The following RAB3B variants were observed in gnomAD, a reference collection of about 807,000 sequenced individuals.
The protein encoded by RAB3B is ras-related protein Rab-3B.
A neutral mutation model predicts 20.5 loss-of-function variants in RAB3B; 11 were observed. That is an observed-to-expected ratio of 0.54 (90% CI 0.34 to 0.89). RAB3B has a LOEUF of 0.89. RAB3B is among the 40% of genes least tolerant of loss of function. The probability of loss-of-function intolerance (pLI) is 0.02; values close to 1 mark genes in which losing one functional copy is unlikely to be tolerated. For missense variants in RAB3B, 225 were observed against 280.9 expected (o/e 0.80, Z 1.42); for synonymous variants, 99 against 106.3 (o/e 0.93, Z 0.42).
chr1:51,950,506 G>C (rs973597748), intron 2 of RAB3B, among the ~76,000 whole-genome samples: 5 of 152,190 alleles, frequency 3.3e-5, no homozygotes, highest in Admixed American at 6.5e-5. Flanking sequence ...TGCTGAAAAG[G>C]GAAAGCTCAT....
At chr1:51,962,012 T>C (rs1684790624) in intron 2 of RAB3B, among the ~76,000 whole-genome samples, 3 of 152,170 alleles carry the variant, frequency 2.0e-5, no homozygotes, top group South Asian at 2.1e-4. Context: ...CCTCAAATGA[T>C]CCACTTGCCT....
chr1:51,976,502 CT>C (rs1685010783), intron 2 of RAB3B, among the ~76,000 whole-genome samples: 1 of 152,138 alleles, frequency 6.6e-6, no homozygotes, highest in Non-Finnish European at 1.5e-5. Context: ...ACCCAACAGC[CT>C]TATGATGTAG....
intron 2 of RAB3B, among the ~76,000 whole-genome samples, chr1:51,949,949 G>A (rs953099095): frequency 6.6e-6 from 1 of 152,202 alleles, no homozygotes; most frequent in African/African-American, 2.4e-5. Context: ...AGGGTGATGA[G>A]GGTGGAGAAT....
At chr1:51,940,752 T>C (rs1361494085) in intron 2 of RAB3B, among the ~76,000 whole-genome samples, 1 of 152,128 alleles carries the variant, frequency 6.6e-6, no homozygotes, top group Admixed American at 6.5e-5. Context: ...GAACAAGCAA[T>C]CCCAAATGTC....
At chr1:51,937,143 G>T in intron 3 of RAB3B, 151 bp downstream of exon 3, 1 of 546,198 alleles carries the variant, frequency 1.8e-6, no homozygotes, top group Non-Finnish European at 3.2e-6. Context: ...TCCTGCTTAT[G>T]GATCTGTCTT....
In RAB3B at chr1:51,917,425, G is replaced by A. The variant is rs1451969388; in HGVS notation, c.*2502C>T. 1 of 152,072 alleles carries A rather than the reference G, an allele frequency of 6.6e-6. No homozygotes were observed. The highest frequency in any genetic ancestry group is 1.5e-5 in the Non-Finnish European group (1 of 68,014). 9.4% of individuals were successfully genotyped at this position (152,072 alleles called of 1,614,324 possible). A position where few individuals can be genotyped will look rare whatever the true frequency, so the allele number is the denominator to read the frequency against. On this transcript the variant is annotated 3_prime_UTR_variant, in exon 5 of 5. Coordinates refer to ENST00000371655, the MANE Select transcript of RAB3B (RefSeq NM_002867.4). The stretch of plus-strand genomic sequence containing the variant: ...AAGACTCAAAAGTGGAAAGTAACTG[G>A]CCCAGAGTCACAGTTGATTTAATGA...
At chr1:51,921,972 T>C (rs573869574) in intron 4 of RAB3B, among the ~76,000 whole-genome samples, 1 of 152,262 alleles carries the variant, frequency 6.6e-6, no homozygotes, top group South Asian at 2.1e-4. Context: ...GGAAGGCACA[T>C]GCCATTCCTG....
rs1224677020 is a variant in RAB3B at position 51,909,590 on chromosome 1, A to T, written c.*10337T>A. 2 of 152,048 alleles carry T rather than the reference A, an allele frequency of 1.3e-5. No homozygotes were observed. The highest frequency in any genetic ancestry group is 4.8e-5 in the African/African-American group (2 of 41,384). The allele number at this position is 152,048 out of a possible 1,614,324, so 9.4% of individuals were successfully genotyped here. ...ACTCCTGGAGGCTGATTTCTGGGGGAAGGAGGAAGTGCATGAGGTACCTTT... is the reference window on the plus strand; with the variant it reads ...ACTCCTGGAGGCTGATTTCTGGGGGTAGGAGGAAGTGCATGAGGTACCTTT... On this transcript the variant is annotated 3_prime_UTR_variant, in exon 5 of 5. Transcript: ENST00000371655.
At chr1:51,920,428 T>C (rs1450015820) in intron 4 of RAB3B, among the ~76,000 whole-genome samples, 3 of 152,210 alleles carry the variant, frequency 2.0e-5, no homozygotes, top group Non-Finnish European at 4.4e-5. Context: ...CTTCATAGAA[T>C]TATTTCAAGG....
In RAB3B at chr1:51,912,554, AATAT is replaced by A. The variant is rs1171897939; in HGVS notation, c.*7369_*7372del. 1.3e-4 allele frequency: 2 copies of A among 15,500 alleles called. No homozygotes were observed. Among genetic ancestry groups the A allele is most frequent in the African/African-American group, 3.5e-4 (2 of 5,736 alleles). The allele number at this position is 15,500 out of a possible 1,614,324, so 1.0% of individuals were successfully genotyped here. On this transcript the variant is annotated 3_prime_UTR_variant, in exon 5 of 5. Transcript: ENST00000371655. ...AGACCGTCTCTATTAAAAAAAAAAA[AATAT>A]ATATATATATATATATATATATATA...
intron 2 of RAB3B, among the ~76,000 whole-genome samples, chr1:51,947,131 C>T (rs1406345499): frequency 6.6e-6 from 1 of 152,164 alleles, no homozygotes; most frequent in East Asian, 1.9e-4. Flanking sequence ...CACGGTGGCT[C>T]ATGCCAGTAA....
At chr1:51,981,024 T>C (rs570138188) in intron 1 of RAB3B, among the ~76,000 whole-genome samples, 12 of 152,272 alleles carry the variant, frequency 7.9e-5, no homozygotes, top group Admixed American at 1.3e-4. Context: ...ATTATTATTA[T>C]TTTTATTTTA....
intron 2 of RAB3B, among the ~76,000 whole-genome samples, chr1:51,954,536 G>C (rs916565884): frequency 2.0e-5 from 3 of 152,158 alleles, no homozygotes; most frequent in African/African-American, 7.2e-5. Context: ...ATTATTACCA[G>C]TCCAGGGAGA....
At chr1:51,923,672 G>A (rs1407599720) in intron 4 of RAB3B, among the ~76,000 whole-genome samples, 4 of 148,298 alleles carry the variant, frequency 2.7e-5, no homozygotes, top group African/African-American at 7.6e-5. Flanking sequence ...CTGAGATTGC[G>A]CCACTGCACT....
At chr1:51,926,785 C>T (rs1684250330) in intron 4 of RAB3B, among the ~76,000 whole-genome samples, 1 of 152,136 alleles carries the variant, frequency 6.6e-6, no homozygotes, top group Non-Finnish European at 1.5e-5. Flanking sequence ...CCATCTACTA[C>T]TTACATGGCT....
At chr1:51,925,928 C>G (rs1684237535) in intron 4 of RAB3B, among the ~76,000 whole-genome samples, 1 of 152,220 alleles carries the variant, frequency 6.6e-6, no homozygotes, top group African/African-American at 2.4e-5. Flanking sequence ...GATGCTGGAA[C>G]CATGAGAGCA....
rs1683954659 is a variant in RAB3B at position 51,908,662 on chromosome 1, T to C, written c.*11265A>G. Reference sequence around the variant, plus strand: ...ACAAAACAGATGTTTAGGTTTTCTCTTCAGCAGGCTTCCTCTTGTTCCCCT... The same window carrying C: ...ACAAAACAGATGTTTAGGTTTTCTCCTCAGCAGGCTTCCTCTTGTTCCCCT... On this transcript the variant is annotated 3_prime_UTR_variant, in exon 5 of 5. Coordinates refer to ENST00000371655, the MANE Select transcript of RAB3B (RefSeq NM_002867.4). 1 of 152,018 alleles carries C rather than the reference T, an allele frequency of 6.6e-6. No individual in the cohort carries two copies. The highest frequency in any genetic ancestry group is 1.5e-5 in the Non-Finnish European group (1 of 68,038). The allele number at this position is 152,018 out of a possible 1,614,324, so 9.4% of individuals were successfully genotyped here.
intron 2 of RAB3B, among the ~76,000 whole-genome samples, chr1:51,976,064 C>T (rs1051484004): frequency 6.6e-6 from 1 of 152,056 alleles, no homozygotes; most frequent in Non-Finnish European, 1.5e-5. Context: ...CATCTGGCTA[C>T]ACCTCATGAG....
At chr1:51,943,296 A>G (rs1014953227) in intron 2 of RAB3B, among the ~76,000 whole-genome samples, 3 of 152,272 alleles carry the variant, frequency 2.0e-5, no homozygotes, top group Non-Finnish European at 2.9e-5. Flanking sequence ...AGGCAGGAGA[A>G]TCACTTGAAC....
Sources: allele counts gnomAD v4.1 joint callset (sites outside exome capture counted in the v4.1 genomes callset), GRCh38; gene constraint gnomAD v4.1.1; transcripts MANE v1.5; gene names NCBI Gene and HGNC (gene_info 2026-07-23, HGNC 2026-07-21).